The following PDE2A variants were observed in gnomAD, a reference collection of about 807,000 sequenced individuals.
PDE2A encodes the protein phosphodiesterase 2A.
Under a neutral mutation model 133.6 loss-of-function variants are expected in PDE2A, and 53 were observed. The ratio of observed to expected loss-of-function variants is 0.40; its 90% CI spans 0.32 to 0.50. The LOEUF (loss-of-function observed/expected upper bound fraction) is 0.50. PDE2A is among the 20% of genes least tolerant of loss of function. PDE2A has a pLI of 0.73. For missense variants in PDE2A, 796 were observed against 1,232.4 expected (o/e 0.65, Z 5.30); for synonymous variants, 491 against 490.2 (o/e 1.00, Z -0.02).
intron 20 of PDE2A, among the ~76,000 whole-genome samples, 182 bp from the exon 21 acceptor site, chr11:72,582,748 CCG>C (rs1209092108): frequency 1.3e-5 from 2 of 152,162 alleles, no homozygotes; most frequent in Non-Finnish European, 2.9e-5. Context: ...GCAGCCCACC[CCG>C]CGCGCCTCCC....
intron 2 of PDE2A, chr11:72,630,999 A>G (rs1024217423): frequency 2.6e-6 from 3 of 1,171,924 alleles, no homozygotes; most frequent in Non-Finnish European, 3.7e-6. Flanking sequence ...CCCAAGGGGG[A>G]GGGCACCACT....
intron 1 of PDE2A, chr11:72,668,165 G>A (rs151294462): frequency 2.6e-5 from 18 of 703,738 alleles, no homozygotes; most frequent in African/African-American, 1.8e-4. Flanking sequence ...TTCCTCTGCC[G>A]AGATGTCTCA....
chr11:72,609,738 G>A (rs1857119753), intron 2 of PDE2A, among the ~76,000 whole-genome samples: 1 of 152,054 alleles, frequency 6.6e-6, no homozygotes, highest in African/African-American at 2.4e-5. Flanking sequence ...GCCCTTGGAA[G>A]TCCTTTCAGA....
In PDE2A at chr11:72,633,549, T is replaced by G. The variant is rs375738915; in HGVS notation, c.144+8705A>C. On this transcript the variant is annotated intron_variant, in intron 2 of 30. Transcript: ENST00000334456. ...TGACAGGAAGAGGAGGACACTGGGT[T>G]CCAGGGTGGCCTCCTGATGGTCTGA... is the stretch of plus-strand genomic sequence containing the variant. Among the ~76,000 whole-genome samples the G allele has an allele frequency of 3.9e-3, 601 of 152,272 alleles. 2 individuals carry two copies. Among genetic ancestry groups the G allele is most frequent in the Non-Finnish European group, 6.5e-3 (445 of 68,012 alleles).
At chr11:72,635,885 G>A in intron 2 of PDE2A, 2 of 781,930 alleles carry the variant, frequency 2.6e-6, no homozygotes, top group South Asian at 3.0e-5. Flanking sequence ...AGCTCTGCCT[G>A]TCTCCCTTTG....
chr11:72,658,392 G>A (rs1305708943), intron 1 of PDE2A, among the ~76,000 whole-genome samples: 1 of 152,086 alleles, frequency 6.6e-6, no homozygotes, highest in African/African-American at 2.4e-5. Flanking sequence ...ACTTTCCCTG[G>A]AAGTCACCAC....
rs1217677010 is a variant in PDE2A at position 72,674,169 on chromosome 11, G to T, written c.39C>A (p.Ser13Arg). ...CCGGTCGCGCTGCCGGGTACTGCTG[G>T]CTCCTGCAGAGGATGGAGTGGCCGC... ...QACGHSILCR[S>R]QQYPAARPAE... The change falls in exon 1 of 31, where the codon AGC becomes AGA. Residue 13 changes from serine (S) to arginine (R), a missense_variant. By Grantham distance (110) the Ser-to-Arg change is moderately radical (BLOSUM62 -1). Around this residue, in one of 7 missense-constraint regions of PDE2A, gnomAD observed 417 missense variants for 475.3 expected, o/e 0.88. Transcript: ENST00000334456. 6.2e-7 allele frequency: 1 copy of T among 1,612,678 alleles called. No individual in the cohort carries two copies. The highest frequency in any genetic ancestry group is 8.5e-7 in the Non-Finnish European group (1 of 1,179,888).
At chr11:72,632,628 G>A (rs1371722884) in intron 2 of PDE2A, among the ~76,000 whole-genome samples, 1 of 152,166 alleles carries the variant, frequency 6.6e-6, no homozygotes, top group Non-Finnish European at 1.5e-5. Flanking sequence ...ATAAGTGCCT[G>A]ACCCAGGGCT....
intron 1 of PDE2A, among the ~76,000 whole-genome samples, chr11:72,657,148 GC>G: frequency 6.6e-6 from 1 of 152,242 alleles, no homozygotes; most frequent in South Asian, 2.1e-4. Context: ...GCTGGGTCAG[GC>G]CCTCTCACCA....
chr11:72,600,245 C>T (rs1324127552), intron 4 of PDE2A, among the ~76,000 whole-genome samples: 2 of 152,174 alleles, frequency 1.3e-5, no homozygotes, highest in African/African-American at 4.8e-5. Flanking sequence ...CTGGGTAAAA[C>T]TCTCCACATA....
intron 4 of PDE2A, among the ~76,000 whole-genome samples, chr11:72,603,111 G>A (rs954157748): frequency 2.0e-5 from 3 of 152,132 alleles, no homozygotes; most frequent in Non-Finnish European, 2.9e-5. Flanking sequence ...GGATGATGAC[G>A]GGTGTGTCCT....
chr11:72,632,261 C>A (rs1858442079), intron 2 of PDE2A, among the ~76,000 whole-genome samples: 1 of 152,164 alleles, frequency 6.6e-6, no homozygotes, highest in Non-Finnish European at 1.5e-5. Context: ...AGGAGCTGCA[C>A]CTGGTGTGTG....
chr11:72,609,266 G>A (rs1378002345), intron 2 of PDE2A, among the ~76,000 whole-genome samples: 2 of 152,204 alleles, frequency 1.3e-5, no homozygotes, highest in Non-Finnish European at 2.9e-5. Context: ...ATGAAATTGA[G>A]CCCTTAAAAA....
At position 72,584,591 on chromosome 11, in the gene PDE2A, C is replaced by T. The variant is rs899573405; in HGVS notation, c.1497G>A (p.Thr499=). 3 of 1,612,344 alleles carry T rather than the reference C, an allele frequency of 1.9e-6. No individual in the cohort carries two copies. The highest frequency in any genetic ancestry group is 2.7e-5 in the African/African-American group (2 of 75,058). ...TGATGGGGAAGCAGAGGATGTTGCG[C>T]GTGCGGAAGCCGGTGCTGTCGTCCA... ...RGVDDSTGFR[T]RNILCFPIKN... is the part of the protein sequence containing the mutation. Residue 499 remains threonine (T), a synonymous_variant, in exon 18 of 31, where the codon ACG becomes ACA. Transcript: ENST00000334456.
intron 1 of PDE2A, among the ~76,000 whole-genome samples, chr11:72,650,876 TACACACACACACACAC>T (rs58905066): frequency 0.013 from 1,696 of 130,384 alleles, 35 homozygotes; most frequent in African/African-American, 0.016. Flanking sequence ...CAGTCCCCAC[TACACACACACACACAC>T]ACACACACAC....
In PDE2A at chr11:72,621,021, G is replaced by A. The variant is rs576997902; in HGVS notation, c.145-12270C>T. ...AGAGACCATAGAGTATTTACCAAGT[G>A]CCAGAGACTGCATGCATTGGAGCAC... On this transcript the variant is annotated intron_variant, in intron 2 of 30. Coordinates refer to ENST00000334456, the MANE Select transcript of PDE2A (RefSeq NM_002599.5). Among the ~76,000 whole-genome samples, 4 of 152,242 alleles carry A rather than the reference G, an allele frequency of 2.6e-5. No homozygotes were observed. In the East Asian group the frequency reaches 7.7e-4, roughly 29 times the overall value.
intron 2 of PDE2A, among the ~76,000 whole-genome samples, chr11:72,639,308 C>T (rs575870043): frequency 3.9e-5 from 6 of 152,326 alleles, no homozygotes; most frequent in East Asian, 1.9e-4. Flanking sequence ...AGAACTAAAT[C>T]GAGGTCTTCC....
chr11:72,618,521 GGA>G (rs972647392), intron 2 of PDE2A, among the ~76,000 whole-genome samples: 1 of 152,224 alleles, frequency 6.6e-6, no homozygotes, highest in Non-Finnish European at 1.5e-5. Flanking sequence ...CTCCAGTGAG[GGA>G]GAGAGTTGGC....
intron 2 of PDE2A, among the ~76,000 whole-genome samples, chr11:72,634,233 G>C (rs1858568626): frequency 6.6e-6 from 1 of 152,166 alleles, no homozygotes; most frequent in Non-Finnish European, 1.5e-5. Flanking sequence ...CTGGCCTGCA[G>C]CTGGGGAGGG....
Sources: gnomAD v4.1 joint callset for allele counts (sites outside exome capture counted in the v4.1 genomes callset) on GRCh38, gnomAD v4.1.1 for gene constraint, gnomAD v4.1.1 regional missense constraint, MANE v1.5 for transcripts, NCBI Gene and HGNC (gene_info 2026-07-23, HGNC 2026-07-21) for gene names.